The following TPT1 variants were observed in gnomAD, a reference collection of about 807,000 sequenced individuals.
TPT1 encodes the protein tumor protein, translationally-controlled 1, also known as translationally-controlled tumor protein.
Under a neutral mutation model 22.8 loss-of-function variants are expected in TPT1, and 5 were observed. That is an observed-to-expected ratio of 0.22 (90% confidence interval 0.11 to 0.46). TPT1 has a LOEUF of 0.46. TPT1 is among the 20% of genes least tolerant of loss of function. The probability of loss-of-function intolerance (pLI) is 0.99; values close to 1 mark genes in which losing one functional copy is unlikely to be tolerated. For missense variants in TPT1, 130 were observed against 218.7 expected (o/e 0.59, Z 2.56); for synonymous variants, 89 against 73.6 (o/e 1.21, Z -1.07).
chr13:45,339,741 G>A (rs1284114369), intron 3 of TPT1, 139 bp from the exon 4 acceptor site: 12 of 791,156 alleles, frequency 1.5e-5, no homozygotes, highest in Admixed American at 3.0e-5. Context: ...GTTCACAGAA[G>A]GTATCTTTCA....
In TPT1 at chr13:45,340,083, A is replaced by G. The variant is rs755298789; in HGVS notation, c.204T>C (p.Thr68=). ...GATGGTTCATGACAATATCGACACC[A>G]GTGATTACTGTGCTTTCGGTACCTT... ...EGEGTESTVI[T]GVDIVMNHHL... Residue 68 remains threonine, a synonymous_variant, in exon 3 of 6, where the codon ACT becomes ACC. Coordinates refer to ENST00000530705, the MANE Select transcript of TPT1 (RefSeq NM_003295.4). The G allele has an allele frequency of 1.2e-6, 2 of 1,614,226 alleles. No homozygotes were observed. Among genetic ancestry groups the G allele is most frequent in the Admixed American group, 1.7e-5 (1 of 60,026 alleles).
intron 2 of TPT1, 23 bp downstream of exon 2, chr13:45,340,689 A>C: frequency 2.6e-6 from 4 of 1,560,156 alleles, no homozygotes; most frequent in Non-Finnish European, 3.5e-6. Flanking sequence ...GGACTCCCCC[A>C]CGCGCAGGCC....
Position 45,339,921 on chromosome 13 carries a change from A to C in TPT1, c.293+73T>G, listed in dbSNP as rs1427162503. 4 of 1,532,668 alleles carry C rather than the reference A, an allele frequency of 2.6e-6. No homozygotes were observed. In the East Asian group the frequency reaches 6.8e-5, roughly 26 times the overall value. The allele number at this position is 1,532,668 out of a possible 1,614,324, so 94.9% of individuals were successfully genotyped here. On this transcript the variant is annotated intron_variant, in intron 3 of 5. Coordinates refer to ENST00000530705, the MANE Select transcript of TPT1 (RefSeq NM_003295.4). ...ACAAAAGTATACCCACTGCGAAAGA[A>C]CCTCAAAAGTTAGCCAATCTTTAAA...
In TPT1 at chr13:45,336,098, A is replaced by G. The variant is rs1257927073; in HGVS notation, c.*1288T>C. On this transcript the variant is annotated 3_prime_UTR_variant, in exon 6 of 6. Coordinates refer to ENST00000530705, the MANE Select transcript of TPT1 (RefSeq NM_003295.4). ...GAGGTGGGCAGATCTCCTTGAGCCC[A>G]GGAGTTGAGACCACCCTGGGCAACT... 1 of 152,196 alleles carries G rather than the reference A, an allele frequency of 6.6e-6. No individual in the cohort carries two copies. The highest frequency in any genetic ancestry group is 2.4e-5 in the African/African-American group (1 of 41,440). 9.4% of individuals were successfully genotyped at this position (152,196 alleles called of 1,614,324 possible). A position where few individuals can be genotyped will look rare whatever the true frequency, so the allele number is the denominator to read the frequency against.
intron 5 of TPT1, 88 bp from the exon 6 acceptor site, chr13:45,337,476 C>A (rs1486042838): frequency 1.2e-6 from 2 of 1,614,114 alleles, no homozygotes; most frequent in Non-Finnish European, 1.7e-6. Context: ...CATTTCCAGG[C>A]TAAAGATGTA....
intron 2 of TPT1, 62 bp from the exon 3 acceptor site, chr13:45,340,246 G>A (rs1365475574): frequency 6.5e-6 from 10 of 1,535,422 alleles, no homozygotes; most frequent in Non-Finnish European, 8.9e-6. Flanking sequence ...CACCTTCCAC[G>A]CCAATAGTTC....
In TPT1 at chr13:45,334,047, C is replaced by T. The variant is rs1184547699; in HGVS notation, c.*3339G>A. On this transcript the variant is annotated 3_prime_UTR_variant, in exon 6 of 6. Coordinates refer to ENST00000530705, the MANE Select transcript of TPT1 (RefSeq NM_003295.4). ...CTCAATCTCTCGGACTCAAGCCATC[C>T]TCTCAGCTCAGCCGCCTGAGTAGCT... is the stretch of plus-strand genomic sequence containing the variant. The T allele has an allele frequency of 6.6e-6, 1 of 152,258 alleles. No homozygotes were observed. The highest frequency in any genetic ancestry group is 1.5e-5 in the Non-Finnish European group (1 of 68,104). 9.4% of individuals were successfully genotyped at this position (152,258 alleles called of 1,614,324 possible). A position where few individuals can be genotyped will look rare whatever the true frequency, so the allele number is the denominator to read the frequency against.
Position 45,338,541 on chromosome 13 carries a change from A to C in TPT1, c.516+119T>G, listed in dbSNP as rs1878868562. On this transcript the variant is annotated intron_variant, in intron 5 of 5. Transcript: ENST00000530705. ...CAATTCTCTTGATCCCCAAAGAGAA[A>C]ACTAAAACCATGTTTCAGAACGCTG... The C allele has an allele frequency of 5.5e-6, 8 of 1,465,274 alleles. No individual in the cohort carries two copies. The Middle Eastern group carries it at 5.4e-4, about 99-fold the overall frequency. 90.8% of individuals were successfully genotyped at this position (1,465,274 alleles called of 1,614,324 possible). A position where few individuals can be genotyped will look rare whatever the true frequency, so the allele number is the denominator to read the frequency against.
chr13:45,338,425 G>A, intron 5 of TPT1: 1 of 757,042 alleles, frequency 1.3e-6, no homozygotes, highest in Non-Finnish European at 2.0e-6. Flanking sequence ...AGCCTAAACT[G>A]TACTTTATTA....
In TPT1 at chr13:45,334,409, T is replaced by C. The variant is rs940946137; in HGVS notation, c.*2977A>G. On this transcript the variant is annotated 3_prime_UTR_variant, in exon 6 of 6. Coordinates refer to ENST00000530705, the MANE Select transcript of TPT1 (RefSeq NM_003295.4). ...CCTGTATCATGGCTTTCAATGTCTA[T>C]TGTTATCTTTCCACTCTCTATATAG... 6.6e-6 allele frequency: 1 copy of C among 152,242 alleles called. No homozygotes were observed. Among genetic ancestry groups the C allele is most frequent in the African/African-American group, 2.4e-5 (1 of 41,460 alleles). 9.4% of individuals were successfully genotyped at this position (152,242 alleles called of 1,614,324 possible).
At chr13:45,340,280 C>A in intron 2 of TPT1, 96 bp from the exon 3 acceptor site, 1 of 1,430,690 alleles carries the variant, frequency 7.0e-7, no homozygotes, top group Non-Finnish European at 9.6e-7. Flanking sequence ...ATTCTTAGTT[C>A]TTGCTGAAAA....
In TPT1 at chr13:45,337,381, ATT is replaced by A. The variant is rs1878768773; in HGVS notation, c.*3_*4del. The A allele has an allele frequency of 1.9e-6, 3 of 1,614,064 alleles. No individual in the cohort carries two copies. The highest frequency in any genetic ancestry group is 2.5e-6 in the Non-Finnish European group (3 of 1,179,966). On this transcript the variant is annotated 3_prime_UTR_variant, in exon 6 of 6. Transcript: ENST00000530705. ...GTGATAGATCCAAAATAATTGCCAC[ATT>A]TGTTACTGTAAAAGCAAAAACTACA... is the stretch of plus-strand genomic sequence containing the variant.
At position 45,335,412 on chromosome 13, in the gene TPT1, G is replaced by C. The variant is rs1878608608; in HGVS notation, c.*1974C>G. 6.6e-6 allele frequency: 1 copy of C among 152,238 alleles called. No individual in the cohort carries two copies. Among genetic ancestry groups the C allele is most frequent in the Non-Finnish European group, 1.5e-5 (1 of 68,050 alleles). The allele number at this position is 152,238 out of a possible 1,614,324, so 9.4% of individuals were successfully genotyped here. On this transcript the variant is annotated 3_prime_UTR_variant, in exon 6 of 6. Transcript: ENST00000530705. Reference sequence around the variant, plus strand: ...AAAATCTTCAAAACAAGTTGGAGCAGTGGAGCCCACAAAGTCTCTGAATTG... The same window carrying C: ...AAAATCTTCAAAACAAGTTGGAGCACTGGAGCCCACAAAGTCTCTGAATTG...
intron 5 of TPT1, among the ~76,000 whole-genome samples, chr13:45,337,961 G>A (rs1279110596): frequency 6.6e-6 from 1 of 152,120 alleles, no homozygotes; most frequent in African/African-American, 2.4e-5. Context: ...AGCTAGTACT[G>A]CACTAGGCTT....
intron 1 of TPT1, 124 bp downstream of exon 1, chr13:45,340,918 A>C (rs1195079193): frequency 2.0e-5 from 31 of 1,514,630 alleles, no homozygotes; most frequent in Non-Finnish European, 2.7e-5. Flanking sequence ...CCGGGCACCG[A>C]CCCCTCCGCG....
At chr13:45,339,772 T>G in intron 3 of TPT1, 170 bp from the exon 4 acceptor site, 1 of 759,710 alleles carries the variant, frequency 1.3e-6, no homozygotes, top group Non-Finnish European at 2.1e-6. Flanking sequence ...CATTTCTTGT[T>G]GACTATTTTC....
At chr13:45,339,418 T>G in intron 4 of TPT1, 79 bp downstream of exon 4, 1 of 1,308,088 alleles carries the variant, frequency 7.6e-7, no homozygotes, top group South Asian at 1.3e-5. Context: ...TAGTATAGAA[T>G]TGAAGATTAA....
rs1358714900 is a variant in TPT1 at position 45,336,088 on chromosome 13, CCTT to C, written c.*1295_*1297del. The stretch of plus-strand genomic sequence containing the variant: ...TTGGGAGGCTGAGGTGGGCAGATCT[CCTT>C]GAGCCCAGGAGTTGAGACCACCCTG... On this transcript the variant is annotated 3_prime_UTR_variant, in exon 6 of 6. Transcript: ENST00000530705. 2.0e-5 allele frequency: 3 copies of C among 152,224 alleles called. No homozygotes were observed. Among genetic ancestry groups the C allele is most frequent in the South Asian group, 2.1e-4 (1 of 4,836 alleles). The allele number at this position is 152,224 out of a possible 1,614,324, so 9.4% of individuals were successfully genotyped here. A position where few individuals can be genotyped will look rare whatever the true frequency, so the allele number is the denominator to read the frequency against.
intron 1 of TPT1, 75 bp from the exon 2 acceptor site, chr13:45,340,860 G>C (rs757438401): frequency 1.4e-6 from 2 of 1,458,856 alleles, no homozygotes; most frequent in East Asian, 2.5e-5. Context: ...GCCGGCGGCC[G>C]CACGCGGGAT....
Sources: gnomAD v4.1 joint callset for allele counts (sites outside exome capture counted in the v4.1 genomes callset) on GRCh38, gnomAD v4.1.1 for gene constraint, MANE v1.5 for transcripts, NCBI Gene and HGNC (gene_info 2026-07-23, HGNC 2026-07-21) for gene names.